RBPJ: variants seen among roughly 807,000 people sequenced by gnomAD.
The protein encoded by RBPJ is recombining binding protein suppressor of hairless.
In RBPJ, 9 loss-of-function variants were observed where a neutral mutation model predicts 67.8. The ratio of observed to expected loss-of-function variants is 0.13; its 90% confidence interval spans 0.08 to 0.23. The LOEUF (loss-of-function observed/expected upper bound fraction) is 0.23. Among genes scored for constraint, RBPJ ranks in the 10% least tolerant of loss-of-function variants. The pLI, the probability that RBPJ is intolerant of heterozygous loss-of-function variation, is 1.00. For synonymous variants in RBPJ, 198 were observed against 203.3 expected, an observed-to-expected ratio of 0.97 and a Z score of 0.22; for missense variants, 305 against 595.6, an observed-to-expected ratio of 0.51 and a Z score of 5.08.
At chr4:26,338,947 G>A (rs547396958) in intron 1 of RBPJ, among the ~76,000 whole-genome samples, 1 of 151,872 alleles carries the variant, frequency 6.6e-6, no homozygotes, top group African/African-American at 2.4e-5. Flanking sequence ...AACCTCCTGA[G>A]TAGTTGGAAC....
chr4:26,256,207 C>T (rs912132617), intron 1 of RBPJ, among the ~76,000 whole-genome samples: 1 of 151,754 alleles, frequency 6.6e-6, no homozygotes, highest in Non-Finnish European at 1.5e-5. Flanking sequence ...CCAACCCCAT[C>T]GAAACACACC....
At chr4:26,206,370 T>C (rs1395782715) in intron 1 of RBPJ, among the ~76,000 whole-genome samples, 4 of 152,220 alleles carry the variant, frequency 2.6e-5, no homozygotes, top group African/African-American at 7.2e-5. Flanking sequence ...ATCTTCTTCC[T>C]CCATAGATCC....
At chr4:26,210,700 T>TTTCCTTCTTTCC (rs1553849153) in intron 1 of RBPJ, among the ~76,000 whole-genome samples, 2,898 of 59,468 alleles carry the variant, frequency 0.049, 225 homozygotes, top group Non-Finnish European at 0.06. Flanking sequence ...TCTTTCTTTC[T>TTTCCTTCTTTCC]TTCTTTCCTT....
intron 4 of RBPJ, 92 bp downstream of exon 4, chr4:26,415,732 T>C: frequency 2.5e-6 from 3 of 1,223,564 alleles, no homozygotes; most frequent in Non-Finnish European, 3.4e-6. Context: ...TTTTTTTCTT[T>C]AATAACTATT....
the RBPJ span, among the ~76,000 whole-genome samples, chr4:26,130,228 G>A: frequency 2.3e-4 from 35 of 152,206 alleles, no homozygotes; most frequent in South Asian, 4.2e-4. Flanking sequence ...ACATACACCC[G>A]CACCTTCTTG....
At chr4:26,253,180 A>G (rs1553853472) in intron 1 of RBPJ, among the ~76,000 whole-genome samples, 1 of 152,222 alleles carries the variant, frequency 6.6e-6, no homozygotes, top group Non-Finnish European at 1.5e-5. Context: ...GGTATTACTC[A>G]TATAATCAAA....
At chr4:26,303,230 AAT>A (rs772224810) in intron 1 of RBPJ, among the ~76,000 whole-genome samples, 2,873 of 144,150 alleles carry the variant, frequency 0.02, 45 homozygotes, top group Non-Finnish European at 0.029. Flanking sequence ...TAAATGAATA[AAT>A]ATATATATAT....
chr4:26,109,460 C>CTCTCTCTATA, the RBPJ span, among the ~76,000 whole-genome samples: 1 of 14,704 alleles, frequency 6.8e-5, no homozygotes. Context: ...CTCTCTCTCT[C>CTCTCTCTATA]TATATATATA....
At position 26,371,405 on chromosome 4, in the gene RBPJ, T is replaced by TTA. The variant is rs563530203; in HGVS notation, c.21-14945_21-14944dup. On this transcript the variant is annotated intron_variant, in intron 1 of 10. Coordinates refer to ENST00000355476, the MANE Select transcript of RBPJ (RefSeq NM_015874.6). Reference sequence around the variant, plus strand: ...CATCTTGAACGTGAATAATACAAGCTTATAACTTTGGCCATATTTCTCTAA... The same window carrying TTA: ...CATCTTGAACGTGAATAATACAAGCTTATATAACTTTGGCCATATTTCTCTAA... Among the ~76,000 whole-genome samples the TTA allele has an allele frequency of 1.3e-4, 20 of 152,354 alleles. No homozygotes were observed. In the East Asian group the frequency reaches 3.9e-3, roughly 29 times the overall value.
At chr4:26,270,429 G>GA (rs1172404520) in intron 1 of RBPJ, among the ~76,000 whole-genome samples, 1 of 56,646 alleles carries the variant, frequency 1.8e-5, no homozygotes, top group African/African-American at 4.4e-5. Context: ...AAGAAAGAAA[G>GA]AAAGAAAGAA....
At chr4:26,305,703 C>T (rs577584261) in intron 1 of RBPJ, among the ~76,000 whole-genome samples, 1 of 148,356 alleles carries the variant, frequency 6.7e-6, no homozygotes, top group East Asian at 2.0e-4. Context: ...TATTCTCCAA[C>T]TTGGCTGAAT....
At chr4:26,127,947 A>G in the RBPJ span, among the ~76,000 whole-genome samples, 1 of 152,340 alleles carries the variant, frequency 6.6e-6, no homozygotes, top group Non-Finnish European at 1.5e-5. Flanking sequence ...CCCTGCTCCC[A>G]CCTTTCATGA....
At chr4:26,321,330 CCGTGCCTCCCG>C in intron 1 of RBPJ, 1 of 149,714 alleles carries the variant, frequency 6.7e-6, no homozygotes, top group South Asian at 1.8e-4. Flanking sequence ...CCCTCGGGCG[CCGTGCCTCCCG>C]CGCGCCTCCA....
At chr4:26,178,729 T>C (rs28687222) in intron 1 of RBPJ, among the ~76,000 whole-genome samples, 1,494 of 149,386 alleles carry the variant, frequency 0.01, 18 homozygotes, top group African/African-American at 0.035. Flanking sequence ...CACCATGCGA[T>C]GTAATTCCAC....
At chr4:26,269,294 C>T (rs751840009) in intron 1 of RBPJ, among the ~76,000 whole-genome samples, 12 of 151,614 alleles carry the variant, frequency 7.9e-5, no homozygotes, top group Non-Finnish European at 1.6e-4. Flanking sequence ...CTCGCTCCAT[C>T]GTCCAGGCTA....
At chr4:26,366,511 G>T (rs535810874) in intron 1 of RBPJ, among the ~76,000 whole-genome samples, 4 of 151,918 alleles carry the variant, frequency 2.6e-5, no homozygotes, top group African/African-American at 7.3e-5. Context: ...TGCAACCTCC[G>T]CCTCCTGGAT....
intron 1 of RBPJ, among the ~76,000 whole-genome samples, chr4:26,227,778 C>T (rs979062962): frequency 3.3e-5 from 5 of 152,222 alleles, no homozygotes; most frequent in Non-Finnish European, 5.9e-5. Context: ...GCGGAGCGTC[C>T]GAGTGCCGCT....
chr4:26,221,610 G>A (rs368191946), intron 1 of RBPJ, among the ~76,000 whole-genome samples: 1 of 152,158 alleles, frequency 6.6e-6, no homozygotes, highest in Non-Finnish European at 1.5e-5. Flanking sequence ...AGAATGTTGA[G>A]ATTTGAAAAG....
intron 1 of RBPJ, among the ~76,000 whole-genome samples, chr4:26,310,219 G>C (rs1722384420): frequency 6.6e-6 from 1 of 152,134 alleles, no homozygotes; most frequent in South Asian, 2.1e-4. Flanking sequence ...CCTGGAGTTC[G>C]AGCTTATTTT....
Sources: allele counts gnomAD v4.1 joint callset (sites outside exome capture counted in the v4.1 genomes callset), GRCh38; gene constraint gnomAD v4.1.1; transcripts MANE v1.5; gene names NCBI Gene and HGNC (gene_info 2026-07-23, HGNC 2026-07-21).